Variants in MMD2 observed in about 807,000 individuals in gnomAD.
MMD2 encodes monocyte to macrophage differentiation associated 2.
A neutral mutation model predicts 33.5 loss-of-function variants in MMD2; 30 were observed. That is an observed-to-expected ratio of 0.90 (90% CI 0.67 to 1.22). MMD2 has a LOEUF of 1.22. MMD2 is among the 50% of genes most tolerant of loss of function. MMD2 has a pLI of 0.00. For missense variants in MMD2, 364 were observed against 325.4 expected, an observed-to-expected ratio of 1.12 and a Z score of -0.91; for synonymous variants, 129 against 123.0, an observed-to-expected ratio of 1.05 and a Z score of -0.32.
In MMD2 at chr7:4,944,602, C is replaced by T. The variant is rs552232104; in HGVS notation, c.47+14369G>A. Among the ~76,000 whole-genome samples, 340 of 152,256 alleles carry T rather than the reference C, an allele frequency of 2.2e-3. 1 individual carries two copies. The highest frequency in any genetic ancestry group is 5.5e-3 in the Admixed American group (84 of 15,274). ...CATTCTCCACCAGAATAGTCCAGCC[C>T]GGCCAGTGGCCATGGGTCCAGTGTG... On this transcript the variant is annotated intron_variant, in intron 1 of 6. Transcript: ENST00000401401.
intron 3 of MMD2, among the ~76,000 whole-genome samples, chr7:4,918,690 G>A (rs188936033): frequency 1.2e-4 from 18 of 151,920 alleles, no homozygotes; most frequent in African/African-American, 4.3e-4. Context: ...GTTTCACCAT[G>A]TTGGCCAGGC....
chr7:4,899,279 A>G, the MMD2 span, among the ~76,000 whole-genome samples: 1 of 152,248 alleles, frequency 6.6e-6, no homozygotes, highest in Non-Finnish European at 1.5e-5. Context: ...TTGTTATAGC[A>G]GCCAAAATAG....
chr7:4,909,480 T>C (rs1009881383), intron 6 of MMD2, among the ~76,000 whole-genome samples: 4 of 152,144 alleles, frequency 2.6e-5, no homozygotes, highest in Admixed American at 2.6e-4. Context: ...TTCACTGTTG[T>C]AGCCCAGGCT....
intron 2 of MMD2, among the ~76,000 whole-genome samples, chr7:4,923,906 A>T (rs571630585): frequency 2.1e-4 from 32 of 151,690 alleles, no homozygotes; most frequent in South Asian, 4.2e-4. Flanking sequence ...TCCCAGCCCT[A>T]TGGGAGGCCA....
At chr7:4,945,170 T>C (rs1475126524) in intron 1 of MMD2, among the ~76,000 whole-genome samples, 1 of 102,312 alleles carries the variant, frequency 9.8e-6, no homozygotes, top group Non-Finnish European at 2.2e-5. Flanking sequence ...TTCTTCCTTC[T>C]TCCTCCTCTT....
intron 1 of MMD2, among the ~76,000 whole-genome samples, chr7:4,945,217 TC>T (rs769927867): frequency 6.9e-6 from 1 of 145,368 alleles, no homozygotes; most frequent in Non-Finnish European, 1.5e-5. Context: ...TTCTTCTTCT[TC>T]TTCTTCTTCT....
At chr7:4,936,504 G>C (rs542954879) in intron 1 of MMD2, among the ~76,000 whole-genome samples, 172 of 152,118 alleles carry the variant, frequency 1.1e-3, no homozygotes, top group Non-Finnish European at 2.0e-3. Context: ...ATCTTTATAA[G>C]ATTGTATTCA....
At chr7:4,957,668 A>G (rs1786424922) in intron 1 of MMD2, among the ~76,000 whole-genome samples, 1 of 151,954 alleles carries the variant, frequency 6.6e-6, no homozygotes, top group Non-Finnish European at 1.5e-5. Context: ...AAAAAAAGTA[A>G]GTCCAGTCCA....
At chr7:4,919,305 A>T (rs1017745028) in intron 3 of MMD2, among the ~76,000 whole-genome samples, 1 of 152,140 alleles carries the variant, frequency 6.6e-6, no homozygotes, top group Non-Finnish European at 1.5e-5. Flanking sequence ...GTGAAGGCTC[A>T]TTTCCGAAAC....
intron 6 of MMD2, among the ~76,000 whole-genome samples, chr7:4,908,487 C>G (rs1298005913): frequency 6.6e-6 from 1 of 152,036 alleles, no homozygotes; most frequent in African/African-American, 2.4e-5. Context: ...GGTATATACC[C>G]AAAGAATTGA....
chr7:4,906,520 G>T lies in MMD2; in HGVS notation c.*876C>A. On this transcript the variant is annotated 3_prime_UTR_variant, in exon 7 of 7. Transcript: ENST00000401401. ...CCCATCTTATGAATGAATAGCTCTC[G>T]TAATGTCTCTGGATTTTTGGAGATG... is the stretch of plus-strand genomic sequence containing the variant. 2 of 398,648 alleles carry T rather than the reference G, an allele frequency of 5.0e-6. No homozygotes were observed. 24.7% of individuals were successfully genotyped at this position (398,648 alleles called of 1,614,324 possible). A position where few individuals can be genotyped will look rare whatever the true frequency, so the allele number is the denominator to read the frequency against.
At chr7:4,958,545 A>G (rs1326659716) in intron 1 of MMD2, among the ~76,000 whole-genome samples, 1 of 152,128 alleles carries the variant, frequency 6.6e-6, no homozygotes, top group African/African-American at 2.4e-5. Context: ...CAGAGGTGGT[A>G]CCAACGCCTT....
At chr7:4,938,748 G>T (rs972717571) in intron 1 of MMD2, among the ~76,000 whole-genome samples, 4 of 152,174 alleles carry the variant, frequency 2.6e-5, no homozygotes, top group African/African-American at 4.8e-5. Flanking sequence ...ACAGGCATGA[G>T]AAATGTTATT....
chr7:4,959,077 G>A lies in MMD2; in HGVS notation c.-60C>T. 1 of 1,227,238 alleles carries A rather than the reference G, an allele frequency of 8.1e-7. No individual in the cohort carries two copies. The highest frequency in any genetic ancestry group is 1.0e-6 in the Non-Finnish European group (1 of 972,042). The allele number at this position is 1,227,238 out of a possible 1,614,324, so 76.0% of individuals were successfully genotyped here. On this transcript the variant is annotated 5_prime_UTR_variant, in exon 1 of 7. Coordinates refer to ENST00000401401, the MANE Select transcript of MMD2 (RefSeq NM_198403.4). The stretch of plus-strand genomic sequence containing the variant: ...AGAGCGCGGGTAGCTGGCAGAGCCT[G>A]GGGGGCGCGGCGGCGGCAGCAGCAG...
Position 4,906,706 on chromosome 7 carries a change from A to T in MMD2, c.*690T>A. The T allele has an allele frequency of 2.5e-6, 1 of 396,608 alleles. No individual in the cohort carries two copies. The highest frequency in any genetic ancestry group is 3.6e-5 in the East Asian group (1 of 28,008). 24.6% of individuals were successfully genotyped at this position (396,608 alleles called of 1,614,324 possible). On this transcript the variant is annotated 3_prime_UTR_variant, in exon 7 of 7. Coordinates refer to ENST00000401401, the MANE Select transcript of MMD2 (RefSeq NM_198403.4). ...GTTTCCCAAAAGGGAGGGGGAGATG[A>T]GGAGATAGGCATGCAAATGCCCATT... is the stretch of plus-strand genomic sequence containing the variant.
chr7:4,918,087 C>T (rs1455011084), intron 3 of MMD2, among the ~76,000 whole-genome samples: 1 of 152,194 alleles, frequency 6.6e-6, no homozygotes, highest in Admixed American at 6.5e-5. Flanking sequence ...AGCTTAGAGC[C>T]TCCAGCCCCA....
intron 1 of MMD2, among the ~76,000 whole-genome samples, chr7:4,929,296 A>C (rs1376343277): frequency 6.6e-6 from 1 of 152,092 alleles, no homozygotes; most frequent in Admixed American, 6.6e-5. Context: ...AGCAAGCCAG[A>C]GAGACACCAA....
chr7:4,902,378 C>T (rs760769209), downstream of MMD2, among the ~76,000 whole-genome samples: 1 of 152,344 alleles, frequency 6.6e-6, no homozygotes, highest in Non-Finnish European at 1.5e-5. Context: ...ATTAGATAGT[C>T]CTGGCTTCAA....
At chr7:4,958,837 G>T in intron 1 of MMD2, 134 bp downstream of exon 1, 1 of 757,474 alleles carries the variant, frequency 1.3e-6, no homozygotes, top group Non-Finnish European at 1.8e-6. Flanking sequence ...GGTTTTCTCG[G>T]GCGGGGGTCA....
Sources: gnomAD v4.1 joint callset for allele counts (sites outside exome capture counted in the v4.1 genomes callset) on GRCh38, gnomAD v4.1.1 for gene constraint, MANE v1.5 for transcripts, NCBI Gene and HGNC (gene_info 2026-07-23, HGNC 2026-07-21) for gene names.